The following PAPLN variants were observed in gnomAD, a reference collection of about 807,000 sequenced individuals.
The protein encoded by PAPLN is papilin.
Under a neutral mutation model 159.0 loss-of-function variants are expected in PAPLN, and 146 were observed. The observed-to-expected ratio is 0.92, with a 90% CI of 0.80 to 1.05. PAPLN has a LOEUF of 1.05. Ranked by LOEUF, PAPLN falls within the 50% of genes least tolerant of loss-of-function variation. PAPLN has a pLI of 0.00. For missense variants in PAPLN, 1,720 were observed against 1,743.9 expected (o/e 0.99, Z 0.24); for synonymous variants, 734 against 702.9 (o/e 1.04, Z -0.70).
intron 1 of PAPLN, among the ~76,000 whole-genome samples, chr14:73,238,919 T>G (rs910217574): frequency 2.6e-5 from 4 of 152,230 alleles, no homozygotes; most frequent in African/African-American, 9.7e-5. Flanking sequence ...TTGTTTAATG[T>G]TTTGTACTGA....
In PAPLN at chr14:73,252,137, C is replaced by T. The variant is rs147169507; in HGVS notation, c.963C>T (p.Gly321=). The change falls in exon 10 of 27, where the codon GGC becomes GGT. Residue 321 remains glycine (G), a synonymous_variant. Coordinates refer to ENST00000644200, the MANE Select transcript of PAPLN (RefSeq NM_001365906.3). ...GSWSDCSAEC[G]GGHQSRLVFC... is the part of the protein sequence containing the mutation. The stretch of plus-strand genomic sequence containing the variant: ...GGAGTGACTGCAGCGCGGAGTGTGG[C>T]GGAGGTGCGGGCGTGGATGGCCCAG... 470 of 1,600,514 alleles carry T rather than the reference C, an allele frequency of 2.9e-4. 1 individual carries two copies. The highest frequency in any genetic ancestry group is 3.8e-4 in the Non-Finnish European group (443 of 1,173,556).
At chr14:73,249,085 C>T (rs77471596) in intron 5 of PAPLN, among the ~76,000 whole-genome samples, 15,141 of 152,156 alleles carry the variant, frequency 0.1, 1,286 homozygotes, top group East Asian at 0.45. Context: ...GAGCTTTGAT[C>T]GTGCCTCTGC....
Position 73,265,505 on chromosome 14 carries a change from C to A in PAPLN, c.3261C>A (p.Pro1087=). 6.2e-7 allele frequency: 1 copy of A among 1,613,624 alleles called. No homozygotes were observed. The highest frequency in any genetic ancestry group is 1.3e-5 in the African/African-American group (1 of 75,070). Residue 1087 remains proline (P), a splice_region_variant and synonymous_variant, in exon 23 of 27, where the codon CCC becomes CCA. Coordinates refer to ENST00000644200, the MANE Select transcript of PAPLN (RefSeq NM_001365906.3). This position sits in a 1 kb window ranked among gnomAD's most constrained non-coding sequence, Gnocchi z 4.1. The part of the protein sequence containing the change: ...WQRDGQPVSS[P]RHQLQPDGSL... ...GAGATGGGCAGCCTGTCTCTTCTCC[C>A]AGGTTTATTTGACTCCTCTCCCCTT...
intron 14 of PAPLN, 66 bp from the exon 15 acceptor site, chr14:73,258,913 C>T: frequency 6.9e-7 from 1 of 1,440,702 alleles, no homozygotes. Flanking sequence ...GCAGGGCTGG[C>T]CACAGCTCAG....
At chr14:73,262,227 G>C (rs1233692033) in intron 18 of PAPLN, 123 bp from the exon 19 acceptor site, 3 of 992,010 alleles carry the variant, frequency 3.0e-6, no homozygotes, top group Middle Eastern at 2.6e-4. Flanking sequence ...CCCCCAGACA[G>C]GGGTGTAGAC....
At chr14:73,249,171 C>G (rs1884943833) in intron 5 of PAPLN, among the ~76,000 whole-genome samples, 1 of 152,032 alleles carries the variant, frequency 6.6e-6, no homozygotes, top group Non-Finnish European at 1.5e-5. Flanking sequence ...TCATCCTGCC[C>G]CTTTCACAAG....
chr14:73,266,810 G>T lies in PAPLN; in HGVS notation c.3479G>T (p.Ser1160Ile). 1.9e-6 allele frequency: 3 copies of T among 1,613,214 alleles called. No individual in the cohort carries two copies. Among genetic ancestry groups the T allele is most frequent in the Non-Finnish European group, 2.5e-6 (3 of 1,179,568 alleles). The change falls in exon 25 of 27, where the codon AGT becomes ATT. Residue 1160 changes from serine to isoleucine, a missense_variant. Physicochemically the swap from Ser to Ile is moderately radical, Grantham distance 142. Coordinates refer to ENST00000644200, the MANE Select transcript of PAPLN (RefSeq NM_001365906.3). ...ARLLCVVAGE[S>I]VNIRWSRNGL... is the part of the protein sequence containing the mutation. Reference sequence around the variant, plus strand: ...CTATTGTGTGTGGTAGCAGGAGAAAGTGTGAACATCAGGTGGTCCAGGTAA... The same window carrying T: ...CTATTGTGTGTGGTAGCAGGAGAAATTGTGAACATCAGGTGGTCCAGGTAA...
chr14:73,238,546 C>T (rs1234176941), intron 1 of PAPLN, among the ~76,000 whole-genome samples: 3 of 152,222 alleles, frequency 2.0e-5, no homozygotes, highest in Non-Finnish European at 4.4e-5. Context: ...AAGTAAAATT[C>T]TTCTTTCACC....
chr14:73,270,442 C>T (rs1418323389), intron 26 of PAPLN, among the ~76,000 whole-genome samples: 3 of 152,236 alleles, frequency 2.0e-5, no homozygotes, highest in African/African-American at 7.2e-5. Context: ...CCTCCATTCC[C>T]TCCTGCTCAC....
Position 73,265,526 on chromosome 14 carries a change from C to T in PAPLN, c.3263+19C>T. 1 of 1,611,404 alleles carries T rather than the reference C, an allele frequency of 6.2e-7. No homozygotes were observed. Among genetic ancestry groups the T allele is most frequent in the Non-Finnish European group, 8.5e-7 (1 of 1,178,658 alleles). ...CTCCCAGGTTTATTTGACTCCTCTC[C>T]CCTTCCTCCTATTCTGCCTCCAGCC... On this transcript the variant is annotated intron_variant, in intron 23 of 26. Transcript: ENST00000644200. The surrounding 1 kb of genome is among the most constrained non-coding windows in gnomAD (Gnocchi z 4.1).
chr14:73,238,442 C>G (rs747090724), intron 1 of PAPLN, among the ~76,000 whole-genome samples: 1 of 152,216 alleles, frequency 6.6e-6, no homozygotes, highest in Non-Finnish European at 1.5e-5. Context: ...CCAAATGAAC[C>G]GAAAAAACTG....
chr14:73,250,731 G>A lies in PAPLN; in HGVS notation c.466-176G>A, dbSNP rs546821518. Among the ~76,000 whole-genome samples, 355 of 152,348 alleles carry A rather than the reference G, an allele frequency of 2.3e-3. 3 individuals are homozygous for A. Among genetic ancestry groups the A allele is most frequent in the African/African-American group, 8.1e-3 (337 of 41,588 alleles). The stretch of plus-strand genomic sequence containing the variant: ...TACCAGAAGGGGAGATGGGAGCTGA[G>A]CAGACAGAGAAGTGGATTGTCAGCC... On this transcript the variant is annotated intron_variant, in intron 6 of 26. Transcript: ENST00000644200.
At chr14:73,263,823 GC>G (rs754402533) in intron 20 of PAPLN, 41 bp downstream of exon 20, 7 of 1,561,858 alleles carry the variant, frequency 4.5e-6, no homozygotes, top group South Asian at 1.1e-5. Context: ...AGGTGTGACA[GC>G]CCCCCTACCT....
intron 5 of PAPLN, among the ~76,000 whole-genome samples, chr14:73,247,176 G>A (rs887065068): frequency 2.0e-5 from 3 of 152,160 alleles, no homozygotes; most frequent in Non-Finnish European, 4.4e-5. Context: ...GCTGGAAGGG[G>A]CTTGGTACAC....
chr14:73,261,810 T>C (rs1473403121), intron 18 of PAPLN, among the ~76,000 whole-genome samples: 1 of 152,074 alleles, frequency 6.6e-6, no homozygotes, highest in Non-Finnish European at 1.5e-5. Context: ...GAGGCACCCA[T>C]GGTCATGTCT....
upstream of PAPLN, among the ~76,000 whole-genome samples, chr14:73,236,825 A>G (rs996804690): frequency 1.3e-5 from 2 of 151,454 alleles, no homozygotes; most frequent in African/African-American, 2.4e-5. Context: ...TAAAAAAAAA[A>G]AAAAGAAAAG....
At chr14:73,239,741 C>G (rs769531800) in intron 1 of PAPLN, 32 bp from the exon 2 acceptor site, 2 of 1,549,412 alleles carry the variant, frequency 1.3e-6, no homozygotes, top group Admixed American at 3.8e-5. Context: ...GCGGGAGCCC[C>G]GGGCCGCTCT....
chr14:73,269,219 G>A (rs898096159), intron 26 of PAPLN, among the ~76,000 whole-genome samples: 3 of 152,022 alleles, frequency 2.0e-5, no homozygotes, highest in African/African-American at 4.8e-5. Flanking sequence ...TGCAGAGAGC[G>A]TAAGTGGTGT....
In PAPLN at chr14:73,268,280, C is replaced by T. The variant is rs1887410719; in HGVS notation, c.3501-277C>T. ...GAGCTCCAGACTTCAAATCTGAGGC[C>T]TCCTGCTATCTCACAGGCACCCCAA... On this transcript the variant is annotated intron_variant, in intron 25 of 26. Coordinates refer to ENST00000644200, the MANE Select transcript of PAPLN (RefSeq NM_001365906.3). The T allele has an allele frequency of 8.1e-6, 3 of 371,526 alleles. No individual in the cohort carries two copies. In the South Asian group the frequency reaches 1.4e-4, roughly 17 times the overall value. 23.0% of individuals were successfully genotyped at this position (371,526 alleles called of 1,614,324 possible). A position where few individuals can be genotyped will look rare whatever the true frequency, so the allele number is the denominator to read the frequency against.
Sources: allele counts gnomAD v4.1 joint callset (sites outside exome capture counted in the v4.1 genomes callset), GRCh38; gene constraint gnomAD v4.1.1; non-coding constraint Gnocchi (gnomAD v3.1); transcripts MANE v1.5; gene names NCBI Gene and HGNC (gene_info 2026-07-23, HGNC 2026-07-21).